Variants in USP15 observed in about 807,000 individuals in gnomAD.
USP15 encodes ubiquitin specific peptidase 15.
Under a neutral mutation model 127.1 loss-of-function variants are expected in USP15, and 18 were observed. The ratio of observed to expected loss-of-function variants is 0.14; its 90% CI spans 0.10 to 0.21. USP15 has a LOEUF of 0.21. Ranked by LOEUF, USP15 falls within the 10% of genes least tolerant of loss-of-function variation. The pLI is 1.00. For missense variants in USP15, 805 were observed against 1,159.9 expected (o/e 0.69, Z 4.44); for synonymous variants, 364 against 393.7 (o/e 0.92, Z 0.89).
intron 5 of USP15, among the ~76,000 whole-genome samples, chr12:62,324,698 AAAT>A (rs759082498): frequency 3.4e-4 from 52 of 152,094 alleles, no homozygotes; most frequent in Non-Finnish European, 5.9e-4. Context: ...TTAATGTGTG[AAAT>A]AATAGATTTT....
chr12:62,275,692 G>A (rs1203419906), intron 1 of USP15, among the ~76,000 whole-genome samples: 3 of 152,060 alleles, frequency 2.0e-5, no homozygotes, highest in Non-Finnish European at 4.4e-5. Flanking sequence ...GGTCTCCAAG[G>A]AAGCAGAAGG....
chr12:62,289,327 A>G (rs2063882095), intron 1 of USP15, among the ~76,000 whole-genome samples: 3 of 151,956 alleles, frequency 2.0e-5, no homozygotes, highest in South Asian at 2.1e-4. Context: ...GTTCAGTACA[A>G]TCTTGGGAGG....
chr12:62,387,065 T>C (rs1319562711), intron 11 of USP15, among the ~76,000 whole-genome samples: 2 of 152,126 alleles, frequency 1.3e-5, no homozygotes, highest in Non-Finnish European at 2.9e-5. Context: ...CATTTTAGTA[T>C]TGAACGTGGT....
intron 1 of USP15, among the ~76,000 whole-genome samples, chr12:62,272,714 T>C (rs1310721831): frequency 6.6e-6 from 1 of 152,066 alleles, no homozygotes; most frequent in Non-Finnish European, 1.5e-5. Flanking sequence ...TAAAATTGAC[T>C]CTGAAGCCCC....
chr12:62,294,907 A>G (rs1290002776), intron 2 of USP15, among the ~76,000 whole-genome samples: 1 of 152,226 alleles, frequency 6.6e-6, no homozygotes, highest in Non-Finnish European at 1.5e-5. Flanking sequence ...AACGGAAAAC[A>G]GTGATCCTTG....
At chr12:62,303,990 A>G (rs2064401958) in intron 3 of USP15, among the ~76,000 whole-genome samples, 2 of 151,286 alleles carry the variant, frequency 1.3e-5, no homozygotes, top group Admixed American at 1.3e-4. Context: ...TTTAGCTGTA[A>G]AACTGTCTAG....
intron 6 of USP15, among the ~76,000 whole-genome samples, chr12:62,342,010 A>G (rs758395128): frequency 5.3e-5 from 8 of 152,044 alleles, no homozygotes; most frequent in Non-Finnish European, 8.8e-5. Context: ...GTGTTTTCCA[A>G]CTTGGTTCCA....
Position 62,384,318 on chromosome 12 carries a change from G to GTTTT in USP15, c.1473+19_1473+20insTTTT. On this transcript the variant is annotated intron_variant, in intron 11 of 21. Coordinates refer to ENST00000280377, the MANE Select transcript of USP15 (RefSeq NM_001252078.2). ...ACCTATGCAGGTAAATCATGGGTTG[G>GTTTT]TTTGTTTTGTTTTTTTTTTTTTTTT... The GTTTT allele has an allele frequency of 7.7e-7, 1 of 1,296,468 alleles. No homozygotes were observed. Among genetic ancestry groups the GTTTT allele is most frequent in the Non-Finnish European group, 1.0e-6 (1 of 1,002,514 alleles). 80.3% of individuals were successfully genotyped at this position (1,296,468 alleles called of 1,614,324 possible). A position where few individuals can be genotyped will look rare whatever the true frequency, so the allele number is the denominator to read the frequency against.
At chr12:62,372,171 A>G (rs1278778553) in intron 8 of USP15, among the ~76,000 whole-genome samples, 1 of 152,178 alleles carries the variant, frequency 6.6e-6, no homozygotes, top group African/African-American at 2.4e-5. Context: ...AAGATTGCAC[A>G]GTAATTTTAG....
intron 7 of USP15, among the ~76,000 whole-genome samples, chr12:62,351,221 T>G (rs2065957475): frequency 6.6e-6 from 1 of 151,844 alleles, no homozygotes; most frequent in Non-Finnish European, 1.5e-5. Flanking sequence ...ACTAAAATAC[T>G]GAAGACACTG....
chr12:62,341,367 G>A (rs1268519785), intron 6 of USP15, among the ~76,000 whole-genome samples: 1 of 152,134 alleles, frequency 6.6e-6, no homozygotes, highest in African/African-American at 2.4e-5. Context: ...GGGGCATTTA[G>A]CCCATTTATA....
At chr12:62,371,837 G>A (rs1054414804) in intron 8 of USP15, among the ~76,000 whole-genome samples, 6 of 152,082 alleles carry the variant, frequency 3.9e-5, no homozygotes, top group African/African-American at 7.2e-5. Flanking sequence ...GCATCAGGAG[G>A]TAAAAATAGC....
rs1206801790 is a variant in USP15, at chr12:62,391,292, C to A, written c.2096C>A (p.Thr699Asn). The change falls in exon 16 of 22, where the codon ACT (threonine) becomes AAT (asparagine). Residue 699 changes from threonine to asparagine, a missense_variant. By Grantham distance (65) the Thr-to-Asn change is moderately conservative. Transcript: ENST00000280377. ...GAAAATGGATTATGTACTGAGGATA[C>A]TTGCAAAGGTCAACTCACGGGACAC... Reference protein sequence around the residue: ...DSENGLCTEDTCKGQLTGHKK... With the variant: ...DSENGLCTEDNCKGQLTGHKK... 1 of 1,613,554 alleles carries A rather than the reference C, an allele frequency of 6.2e-7. No individual in the cohort carries two copies. The highest frequency in any genetic ancestry group is 8.5e-7 in the Non-Finnish European group (1 of 1,179,710).
chr12:62,377,468 C>G (rs547049159), intron 8 of USP15, among the ~76,000 whole-genome samples: 1 of 152,316 alleles, frequency 6.6e-6, no homozygotes, highest in East Asian at 1.9e-4. Flanking sequence ...GCCTGTAATC[C>G]TAGCACTTTG....
intron 7 of USP15, 33 bp downstream of exon 7, chr12:62,349,340 A>G (rs2065904676): frequency 7.2e-7 from 1 of 1,385,078 alleles, no homozygotes; most frequent in Non-Finnish European, 9.6e-7. Context: ...TCTTTGTTTA[A>G]TTGATCACCC....
intron 1 of USP15, among the ~76,000 whole-genome samples, chr12:62,288,344 CTTT>C (rs34110065): frequency 8.7e-6 from 1 of 114,452 alleles, no homozygotes; most frequent in Admixed American, 9.4e-5. Context: ...TGGCATTTTA[CTTT>C]TTTTTTTTTT....
intron 3 of USP15, among the ~76,000 whole-genome samples, chr12:62,307,931 GACC>G: frequency 6.6e-6 from 1 of 152,078 alleles, no homozygotes; most frequent in Non-Finnish European, 1.5e-5. Context: ...TACCTTGAGA[GACC>G]ACATACACAT....
At chr12:62,318,891 A>G (rs2064907486) in intron 4 of USP15, among the ~76,000 whole-genome samples, 1 of 152,144 alleles carries the variant, frequency 6.6e-6, no homozygotes, top group African/African-American at 2.4e-5. Flanking sequence ...TCTTCTTAGC[A>G]ATTCCTTCAG....
chr12:62,348,310 A>G (rs957865419), intron 6 of USP15, among the ~76,000 whole-genome samples: 2 of 152,216 alleles, frequency 1.3e-5, no homozygotes, highest in Non-Finnish European at 2.9e-5. Flanking sequence ...AGATATATAT[A>G]TTTAGATAAA....
Sources: gnomAD v4.1 joint callset for allele counts (sites outside exome capture counted in the v4.1 genomes callset) on GRCh38, gnomAD v4.1.1 for gene constraint, MANE v1.5 for transcripts, NCBI Gene and HGNC (gene_info 2026-07-23, HGNC 2026-07-21) for gene names.